Variants in SPTB observed in about 807,000 individuals in gnomAD.
SPTB encodes spectrin beta chain, erythrocytic.
SPTB carries 45 observed loss-of-function variants against 256.2 expected under a neutral mutation model. The ratio of observed to expected loss-of-function variants is 0.18; its 90% CI spans 0.14 to 0.23. The LOEUF is 0.23. Ranked by LOEUF, SPTB falls within the 10% of genes least tolerant of loss-of-function variation. The probability of loss-of-function intolerance (pLI) is 1.00; values close to 1 mark genes in which losing one functional copy is unlikely to be tolerated. For missense variants in SPTB, 2,715 were observed against 3,040.4 expected, an observed-to-expected ratio of 0.89 and a Z score of 2.52; for synonymous variants, 1,231 against 1,243.1, an observed-to-expected ratio of 0.99 and a Z score of 0.21.
intron 1 of SPTB, among the ~76,000 whole-genome samples, chr14:64,838,411 G>T (rs765979643): frequency 1.3e-5 from 2 of 152,086 alleles, no homozygotes; most frequent in African/African-American, 2.4e-5. Context: ...ATAAAAGAAA[G>T]ATTTGATCAA....
chr14:64,751,084 TTATA>T (rs1361744538), intron 33 of SPTB, among the ~76,000 whole-genome samples: 2 of 119,604 alleles, frequency 1.7e-5, no homozygotes, highest in South Asian at 5.2e-4. Flanking sequence ...TATATAACAT[TTATA>T]TATTATACAT....
At chr14:64,814,757 C>T (rs1200724541) in intron 2 of SPTB, among the ~76,000 whole-genome samples, 1 of 152,204 alleles carries the variant, frequency 6.6e-6, no homozygotes, top group Admixed American at 6.5e-5. Flanking sequence ...CCTCCCCGCT[C>T]AGCCTCCCAA....
intron 2 of SPTB, among the ~76,000 whole-genome samples, chr14:64,821,954 G>C (rs556445187): frequency 6.6e-6 from 1 of 152,088 alleles, no homozygotes; most frequent in Non-Finnish European, 1.5e-5. Flanking sequence ...GGGAGGGAGT[G>C]GGGAAGAGGA....
intron 32 of SPTB, 188 bp from the exon 33 acceptor site, chr14:64,753,981 T>G (rs1286077237): frequency 1.4e-6 from 1 of 732,796 alleles, no homozygotes; most frequent in African/African-American, 1.7e-5. Flanking sequence ...GCTTCTCTAC[T>G]CTGCCTGTGC....
At chr14:64,865,656 G>A (rs2075917367) in intron 1 of SPTB, among the ~76,000 whole-genome samples, 1 of 152,212 alleles carries the variant, frequency 6.6e-6, no homozygotes, top group South Asian at 2.1e-4. Context: ...ACCATGGTAA[G>A]AAGGGCCTGG....
chr14:64,866,925 T>C lies in SPTB; in HGVS notation c.-52+12867A>G, dbSNP rs904549403. Among the ~76,000 whole-genome samples, 2 of 152,198 alleles carry C rather than the reference T, an allele frequency of 1.3e-5. No homozygotes were observed. The highest frequency in any genetic ancestry group is 4.8e-5 in the African/African-American group (2 of 41,444). ...TTATTGTTATGAAACAAATCTTGTG[T>C]CCGTGGATCTGAAACGCCCACTCAA... On this transcript the variant is annotated intron_variant, in intron 1 of 35. Transcript: ENST00000644917. The surrounding 1 kb of genome is among the most constrained non-coding windows in gnomAD (Gnocchi z 4.6).
Position 64,764,433 on chromosome 14 carries a change from C to G in SPTB, c.6345+2293G>C, listed in dbSNP as rs2082136894. The stretch of plus-strand genomic sequence containing the variant: ...GGTCTGTGTTCGTTTGAGTCACCAT[C>G]TGGTTTCTTTCCGGTACCGGGCACA... On this transcript the variant is annotated intron_variant, in intron 32 of 35. Coordinates refer to ENST00000644917, the MANE Select transcript of SPTB (RefSeq NM_001355436.2). This position sits in a 1 kb window ranked among gnomAD's most constrained non-coding sequence, Gnocchi z 4.2. Among the ~76,000 whole-genome samples the G allele has an allele frequency of 1.3e-5, 2 of 152,208 alleles. No homozygotes were observed. Among genetic ancestry groups the G allele is most frequent in the Non-Finnish European group, 2.9e-5 (2 of 68,036 alleles).
intron 29 of SPTB, 43 bp from the exon 30 acceptor site, chr14:64,767,902 G>T (rs1183473508): frequency 6.2e-7 from 1 of 1,605,554 alleles, no homozygotes. Flanking sequence ...AAGGCCCAGG[G>T]CCTGTTAGCA....
chr14:64,816,722 T>C lies in SPTB; in HGVS notation c.148+6225A>G, dbSNP rs549868561. Among the ~76,000 whole-genome samples the C allele has an allele frequency of 6.6e-6, 1 of 152,310 alleles. No homozygotes were observed. The highest frequency in any genetic ancestry group is 1.9e-4 in the East Asian group (1 of 5,186). ...GAGACTCGGCTGCTACTAGCCTCCT[T>C]GTCACTCTGTCTCAGTGACATGTTA... On this transcript the variant is annotated intron_variant, in intron 2 of 35. Transcript: ENST00000644917. The surrounding 1 kb of genome is among the most constrained non-coding windows in gnomAD (Gnocchi z 4.2).
chr14:64,773,077 C>T, intron 25 of SPTB, 123 bp from the exon 26 acceptor site: 1 of 1,556,446 alleles, frequency 6.4e-7, no homozygotes. Flanking sequence ...TCACACCTTC[C>T]CCAGGGCAGG....
chr14:64,863,919 A>G (rs1882002573), intron 1 of SPTB, among the ~76,000 whole-genome samples: 1 of 152,198 alleles, frequency 6.6e-6, no homozygotes, highest in Non-Finnish European at 1.5e-5. Context: ...TTACAATATC[A>G]CACTGAATGG....
chr14:64,799,365 G>T (rs1464849679), intron 9 of SPTB, among the ~76,000 whole-genome samples: 1 of 152,228 alleles, frequency 6.6e-6, no homozygotes, highest in Admixed American at 6.5e-5. Context: ...CATGCAGAGA[G>T]CTCAGGGGCT....
In SPTB at chr14:64,784,320, T is replaced by C. The variant is rs1594772211; in HGVS notation, c.3929A>G (p.Asn1310Ser). The C allele has an allele frequency of 6.2e-7, 1 of 1,614,252 alleles. No individual in the cohort carries two copies. The highest frequency in any genetic ancestry group is 8.5e-7 in the Non-Finnish European group (1 of 1,180,052). Residue 1310 changes from asparagine (N) to serine (S), a missense_variant, in exon 19 of 36, where the codon AAT becomes AGT. Physicochemically the swap from Asn to Ser is conservative, Grantham distance 46. Transcript: ENST00000644917. ...VSYDEARNLHNKWLKHQAFVA... is the reference protein window; with the variant it reads ...VSYDEARNLHSKWLKHQAFVA... Reference sequence around the variant, plus strand: ...AAACGCCTGGTGCTTTAGCCATTTATTGTGAAGGTTTCGTGCTTCATCATA... The same window carrying C: ...AAACGCCTGGTGCTTTAGCCATTTACTGTGAAGGTTTCGTGCTTCATCATA...
chr14:64,872,634 ACAGCAGTGGCCC>A, intron 1 of SPTB, among the ~76,000 whole-genome samples: 1 of 152,310 alleles, frequency 6.6e-6, no homozygotes, highest in East Asian at 1.9e-4. Flanking sequence ...TTGCTTGGAC[ACAGCAGTGGCCC>A]CACGTTGGGG....
intron 1 of SPTB, among the ~76,000 whole-genome samples, chr14:64,877,396 C>G (rs1268906136): frequency 6.6e-6 from 1 of 152,062 alleles, no homozygotes; most frequent in Non-Finnish European, 1.5e-5. Flanking sequence ...CTTTATATTC[C>G]CTGCTGAGTG....
At chr14:64,768,101 A>T (rs2082219307) in intron 29 of SPTB, 1 of 575,086 alleles carries the variant, frequency 1.7e-6, no homozygotes, top group African/African-American at 1.9e-5. Flanking sequence ...GAGTGCAGTG[A>T]TGTGATTATG....
chr14:64,851,617 G>A (rs552673453), intron 1 of SPTB, among the ~76,000 whole-genome samples: 16 of 152,242 alleles, frequency 1.1e-4, no homozygotes, highest in South Asian at 4.2e-4. Flanking sequence ...TGAGGGTTAC[G>A]AAGATGATAT....
chr14:64,751,116 ATATT>A (rs1333556773), intron 33 of SPTB, among the ~76,000 whole-genome samples: 10 of 146,430 alleles, frequency 6.8e-5, no homozygotes, highest in African/African-American at 2.2e-4. Context: ...ATAATATATA[ATATT>A]TATATATAAT....
At chr14:64,833,550 CAA>C (rs11334742) in intron 1 of SPTB, among the ~76,000 whole-genome samples, 2,645 of 130,034 alleles carry the variant, frequency 0.02, 36 homozygotes, top group South Asian at 0.071. Context: ...GAGTCCATCT[CAA>C]AAAAAAAAAA....
Sources: gnomAD v4.1 joint callset for allele counts (sites outside exome capture counted in the v4.1 genomes callset) on GRCh38, gnomAD v4.1.1 for gene constraint, Gnocchi (gnomAD v3.1) non-coding constraint, MANE v1.5 for transcripts, NCBI Gene and HGNC (gene_info 2026-07-23, HGNC 2026-07-21) for gene names.